The following NUP214 variants were observed in gnomAD, a reference collection of about 807,000 sequenced individuals.
NUP214 encodes nuclear pore complex protein Nup214.
In NUP214, 79 loss-of-function variants were observed where a neutral mutation model predicts 196.2. The ratio of observed to expected loss-of-function variants is 0.40; its 90% CI spans 0.34 to 0.49. The LOEUF is 0.49. Among genes scored for constraint, NUP214 ranks in the 20% least tolerant of loss-of-function variants. The pLI is 0.58. For synonymous variants in NUP214, 1,020 were observed against 990.5 expected, an observed-to-expected ratio of 1.03 and a Z score of -0.56; for missense variants, 2,468 against 2,539.0, an observed-to-expected ratio of 0.97 and a Z score of 0.60.
rs768844292 is a variant in NUP214 at position 131,215,364 on chromosome 9, C to G, written c.5745C>G (p.Thr1915=). 1 of 1,593,450 alleles carries G rather than the reference C, an allele frequency of 6.3e-7. No homozygotes were observed. Among genetic ancestry groups the G allele is most frequent in the South Asian group, 1.1e-5 (1 of 88,320 alleles). ...SASGGFGSTA[T]SNTSNLFGNS... ...GTGGGGGCTTTGGATCCACAGCTAC[C>G]TCAAGTAAGTTGAGAAGACTTTTCC... Residue 1915 remains threonine (T), a synonymous_variant, in exon 31 of 36, where the codon ACC becomes ACG. Coordinates refer to ENST00000359428, the MANE Select transcript of NUP214 (RefSeq NM_005085.4).
At chr9:131,165,029 A>G (rs1359406406) in intron 21 of NUP214, 1 of 152,268 alleles carries the variant, frequency 6.6e-6, no homozygotes, top group South Asian at 2.1e-4. Flanking sequence ...AATTAGATAA[A>G]TAATAGTCAC....
intron 32 of NUP214, among the ~76,000 whole-genome samples, chr9:131,226,827 T>C (rs1433618631): frequency 6.6e-6 from 1 of 152,220 alleles, no homozygotes; most frequent in Non-Finnish European, 1.5e-5. Flanking sequence ...ACTGAGGGAT[T>C]CAGCTGACAA....
intron 23 of NUP214, among the ~76,000 whole-genome samples, chr9:131,176,774 T>G (rs2131004585): frequency 6.6e-6 from 1 of 152,284 alleles, no homozygotes. Context: ...TACATTAGGA[T>G]TTTACAGTCT....
At chr9:131,166,098 T>G (rs952791184) in intron 21 of NUP214, among the ~76,000 whole-genome samples, 1 of 152,212 alleles carries the variant, frequency 6.6e-6, no homozygotes, top group African/African-American at 2.4e-5. Context: ...TTAAAACACT[T>G]AAGATGGTAA....
chr9:131,126,393 C>G (rs1173248563), intron 1 of NUP214: 1 of 152,254 alleles, frequency 6.6e-6, no homozygotes, highest in Non-Finnish European at 1.5e-5. Flanking sequence ...TTTAATAGTT[C>G]TTATATGGGT....
intron 21 of NUP214, chr9:131,164,362 A>G (rs879557823): frequency 2.7e-4 from 148 of 552,224 alleles, no homozygotes; most frequent in Non-Finnish European, 4.3e-4. Flanking sequence ...TATATACTTG[A>G]TGAAGCAGCA....
intron 21 of NUP214, chr9:131,164,395 ACT>A (rs572935836): frequency 4.5e-4 from 217 of 487,606 alleles, no homozygotes; most frequent in African/African-American, 3.8e-3. Flanking sequence ...TGGCTTTTAC[ACT>A]GTTTTCTGCA....
chr9:131,194,272 G>A (rs1384878862), intron 27 of NUP214: 1 of 150,088 alleles, frequency 6.7e-6, no homozygotes, highest in Non-Finnish European at 1.5e-5. Flanking sequence ...GGACTGAAGT[G>A]ATCCTCCTGC....
At position 131,150,655 on chromosome 9, in the gene NUP214, C is replaced by T. The variant is rs1192031712; in HGVS notation, c.2167C>T (p.Arg723Ter). Reference protein sequence around the residue: ...FQKELEELKARTSKACFQVGT... With the variant: ...FQKELEELKA ...GAAGGAGTTGGAAGAGTTAAAAGCCCGAACTTCCAAAGCCTGTTTCCAAGT... is the reference window on the plus strand; with the variant it reads ...GAAGGAGTTGGAAGAGTTAAAAGCCTGAACTTCCAAAGCCTGTTTCCAAGT... Residue 723 changes from arginine (R) to a stop codon, truncating the protein, a stop_gained, in exon 16 of 36, where the codon CGA becomes TGA. Transcript: ENST00000359428. LOFTEE classifies it high-confidence loss of function. 1.9e-6 allele frequency: 3 copies of T among 1,613,848 alleles called. No homozygotes were observed. Among genetic ancestry groups the T allele is most frequent in the Non-Finnish European group, 2.5e-6 (3 of 1,179,928 alleles).
intron 17 of NUP214, among the ~76,000 whole-genome samples, chr9:131,157,095 C>T (rs950767120): frequency 1.3e-5 from 2 of 152,042 alleles, no homozygotes; most frequent in African/African-American, 4.8e-5. Flanking sequence ...AACTCATCCT[C>T]CTGAGTAGCT....
At chr9:131,203,059 C>A (rs1479457989) in intron 30 of NUP214, among the ~76,000 whole-genome samples, 1 of 151,900 alleles carries the variant, frequency 6.6e-6, no homozygotes, top group Non-Finnish European at 1.5e-5. Flanking sequence ...CATTCTCCTG[C>A]CTCAGCCTCC....
At chr9:131,150,167 C>T (rs1832214140) in intron 14 of NUP214, 157 bp from the exon 15 acceptor site, 2 of 648,056 alleles carry the variant, frequency 3.1e-6, no homozygotes, top group Non-Finnish European at 5.3e-6. Context: ...TAGAACATGC[C>T]TTACACAAAG....
chr9:131,196,025 T>TCCCTCCCCCCC lies in NUP214; in HGVS notation c.3721+734_3721+735insTCCCCCCCCCC, dbSNP rs1554737949. On this transcript the variant is annotated intron_variant, in intron 28 of 35. Transcript: ENST00000359428. Reference sequence around the variant, plus strand: ...GGCAACAAGAGTGAAACTCTGTGTGTCCCCCCCCCCCCCCGCGCCAAAAAA... The same window carrying TCCCTCCCCCCC: ...GGCAACAAGAGTGAAACTCTGTGTGTCCCTCCCCCCCCCCCCCCCCCCCCCGCGCCAAAAAA... 8.2e-4 allele frequency among the ~76,000 whole-genome samples: 3 copies of TCCCTCCCCCCC among 3,666 alleles called. 1 individual carries two copies. Among genetic ancestry groups the TCCCTCCCCCCC allele is most frequent in the African/African-American group, 2.0e-3 (3 of 1,510 alleles). The allele number at this position is 3,666 out of a possible 152,430, so 2.4% of individuals were successfully genotyped here.
At chr9:131,165,865 T>C (rs1832774404) in intron 21 of NUP214, among the ~76,000 whole-genome samples, 1 of 152,162 alleles carries the variant, frequency 6.6e-6, no homozygotes, top group Admixed American at 6.6e-5. Flanking sequence ...AATAGACAAA[T>C]ACTGTATGAT....
Position 131,146,214 on chromosome 9 carries a change from G to A in NUP214, c.1855G>A (p.Ala619Thr), listed in dbSNP as rs1282148766. Residue 619 changes from alanine to threonine, a missense_variant, in exon 13 of 36, where the codon GCT becomes ACT. Around this residue, in one of 5 missense-constraint regions of NUP214, gnomAD observed 1,801 missense variants for 1,779.4 expected, o/e 1.01. Transcript: ENST00000359428. This position sits in a 1 kb window ranked among gnomAD's most constrained non-coding sequence, Gnocchi z 4.6. Reference sequence around the variant, plus strand: ...GCCATTCTCTTCTGCCTCCAAGCCAGCTGCTTCTGGACCACTCAGCCACCC... The same window carrying A: ...GCCATTCTCTTCTGCCTCCAAGCCAACTGCTTCTGGACCACTCAGCCACCC... The part of the protein sequence containing the change: ...MSPFSSASKP[A>T]ASGPLSHPTP... The A allele has an allele frequency of 5.0e-6, 8 of 1,614,000 alleles. No homozygotes were observed. In the Admixed American group the frequency reaches 1.3e-4, roughly 27 times the overall value.
In NUP214 at chr9:131,125,879, A is replaced by G. The variant is rs954619288; in HGVS notation, c.45+130A>G. 4.8e-6 allele frequency: 5 copies of G among 1,047,790 alleles called. No individual in the cohort carries two copies. In the African/African-American group the frequency reaches 6.8e-5, roughly 14 times the overall value. The allele number at this position is 1,047,790 out of a possible 1,614,324, so 64.9% of individuals were successfully genotyped here. ...ACAGTTTACCGCGTTCACAGCTCTC[A>G]CCAGCGCGTCTGCCGCGCCGCTGGC... On this transcript the variant is annotated intron_variant, in intron 1 of 35. Transcript: ENST00000359428. The surrounding 1 kb of genome is among the most constrained non-coding windows in gnomAD (Gnocchi z 4.1).
chr9:131,132,558 C>T lies in NUP214; in HGVS notation c.664-38C>T, dbSNP rs901094619. On this transcript the variant is annotated intron_variant, in intron 5 of 35. Transcript: ENST00000359428. ...AGTTTGATTGGTTTAGGATTTGTTT[C>T]ATTTGATACTTTATTTTCCCCTCCA... The T allele has an allele frequency of 1.0e-5, 16 of 1,559,658 alleles. No homozygotes were observed. The African/African-American group carries it at 2.0e-4, about 20-fold the overall frequency.
rs779351766 is a variant in NUP214, at chr9:131,197,660, C to T, written c.4166C>T (p.Thr1389Ile). The T allele has an allele frequency of 9.3e-6, 15 of 1,614,080 alleles. No individual in the cohort carries two copies. The highest frequency in any genetic ancestry group is 3.3e-5 in the Admixed American group (2 of 60,006). The change falls in exon 29 of 36, where the codon ACA (threonine) becomes ATA (isoleucine). Residue 1389 changes from threonine to isoleucine, a missense_variant. Thr to Ile is a moderately conservative substitution (Grantham distance 89). Coordinates refer to ENST00000359428, the MANE Select transcript of NUP214 (RefSeq NM_005085.4). ...VLGKHTEPPV[T>I]SSATTTSVAP... is the part of the protein sequence containing the mutation. ...GGGAAGCACACGGAGCCCCCTGTGACATCCTCTGCAACCACCACCTCAGTA... is the reference window on the plus strand; with the variant it reads ...GGGAAGCACACGGAGCCCCCTGTGATATCCTCTGCAACCACCACCTCAGTA...
intron 31 of NUP214, among the ~76,000 whole-genome samples, chr9:131,218,370 G>A (rs1029871180): frequency 6.6e-6 from 1 of 152,134 alleles, no homozygotes; most frequent in Non-Finnish European, 1.5e-5. Context: ...GAAAGGCATT[G>A]TCCTCACCAC....
Sources: gnomAD v4.1 joint callset for allele counts (sites outside exome capture counted in the v4.1 genomes callset) on GRCh38, gnomAD v4.1.1 for gene constraint, gnomAD v4.1.1 regional missense constraint, Gnocchi (gnomAD v3.1) non-coding constraint, MANE v1.5 for transcripts, NCBI Gene and HGNC (gene_info 2026-07-23, HGNC 2026-07-21) for gene names.